The following STAG1 variants were observed in gnomAD, a reference collection of about 807,000 sequenced individuals.
The protein encoded by STAG1 is cohesin subunit SA-1.
STAG1 carries 26 observed loss-of-function variants against 170.9 expected under a neutral mutation model. That is an observed-to-expected ratio of 0.15 (90% confidence interval 0.11 to 0.21). The LOEUF is 0.21. Among genes scored for constraint, STAG1 ranks in the 10% least tolerant of loss-of-function variants. STAG1 has a pLI of 1.00. For missense variants in STAG1, 964 were observed against 1,509.5 expected (o/e 0.64, Z 5.99); for synonymous variants, 514 against 497.7 (o/e 1.03, Z -0.44).
intron 9 of STAG1, among the ~76,000 whole-genome samples, chr3:136,486,701 A>G (rs2090019934): frequency 1.3e-5 from 2 of 152,150 alleles, no homozygotes; most frequent in Non-Finnish European, 2.9e-5. Flanking sequence ...CTGCACATAT[A>G]CACAGTGAAA....
intron 21 of STAG1, among the ~76,000 whole-genome samples, chr3:136,406,517 CTG>C (rs1218819825): frequency 6.6e-6 from 1 of 152,024 alleles, no homozygotes; most frequent in Non-Finnish European, 1.5e-5. Context: ...ATTCATAAGA[CTG>C]TACATAAATA....
At chr3:136,618,429 T>C (rs1239267618) in intron 3 of STAG1, among the ~76,000 whole-genome samples, 1 of 152,248 alleles carries the variant, frequency 6.6e-6, no homozygotes, top group Non-Finnish European at 1.5e-5. Flanking sequence ...CTTGCCTTGC[T>C]GAGAATTAAA....
intron 12 of STAG1, among the ~76,000 whole-genome samples, chr3:136,466,226 GCCCATCGCAAA>G (rs1362747701): frequency 6.6e-6 from 1 of 152,100 alleles, no homozygotes; most frequent in African/African-American, 2.4e-5. Flanking sequence ...GGAAGTTGGA[GCCCATCGCAAA>G]GAAGCTAAAA....
At chr3:136,440,568 G>A (rs1010539022) in intron 15 of STAG1, among the ~76,000 whole-genome samples, 10 of 151,904 alleles carry the variant, frequency 6.6e-5, no homozygotes, top group African/African-American at 2.4e-4. Context: ...CTACAAACAA[G>A]GTAAGGAAAA....
chr3:136,531,637 A>G (rs1276051792), intron 6 of STAG1, among the ~76,000 whole-genome samples: 4 of 151,694 alleles, frequency 2.6e-5, no homozygotes, highest in African/African-American at 9.7e-5. Flanking sequence ...GGAAATCATC[A>G]TTCTCAGTAA....
At chr3:136,490,187 C>G (rs2090096872) in intron 9 of STAG1, among the ~76,000 whole-genome samples, 1 of 152,080 alleles carries the variant, frequency 6.6e-6, no homozygotes, top group Non-Finnish European at 1.5e-5. Flanking sequence ...ATTACAGGCA[C>G]AGACCATCAC....
chr3:136,642,890 T>C (rs1940856491), intron 1 of STAG1, among the ~76,000 whole-genome samples: 1 of 152,306 alleles, frequency 6.6e-6, no homozygotes, highest in Non-Finnish European at 1.5e-5. Flanking sequence ...CCTTGGCTTG[T>C]TGGAGCATTA....
In STAG1 at chr3:136,370,849, G is replaced by A. The variant is rs551329377; in HGVS notation, c.2371-1567C>T. Among the ~76,000 whole-genome samples the A allele has an allele frequency of 7.0e-4, 106 of 152,342 alleles. 1 individual carries two copies. In the East Asian group the frequency reaches 0.017, roughly 24 times the overall value. ...TGTGCGTGTGTCTTTATAGCAGCAT[G>A]ATTTATAATCCTTTGGGTATATACC... On this transcript the variant is annotated intron_variant, in intron 23 of 33. Transcript: ENST00000383202.
intron 1 of STAG1, among the ~76,000 whole-genome samples, chr3:136,747,159 G>A (rs1469715087): frequency 7.1e-6 from 1 of 141,498 alleles, no homozygotes; most frequent in Non-Finnish European, 1.5e-5. Flanking sequence ...TGCATTCCCA[G>A]CTACTCAGGA....
chr3:136,376,213 A>C (rs796937343), intron 23 of STAG1, among the ~76,000 whole-genome samples: 13 of 149,994 alleles, frequency 8.7e-5, no homozygotes, highest in African/African-American at 3.2e-4. Context: ...GCAAAGGATA[A>C]GTAATACTGT....
Position 136,469,790 on chromosome 3 carries a change from T to C in STAG1, c.1205+2623A>G, listed in dbSNP as rs1559823006. 2.0e-5 allele frequency among the ~76,000 whole-genome samples: 3 copies of C among 152,056 alleles called. No individual in the cohort carries two copies. The East Asian group carries it at 5.8e-4, about 29-fold the overall frequency. On this transcript the variant is annotated intron_variant, in intron 12 of 33. Coordinates refer to ENST00000383202, the MANE Select transcript of STAG1 (RefSeq NM_005862.3). ...TGGTACTGGTACCAAAACAGAGATA[T>C]AGACCAATGGAACAGAACAGAGCCC...
intron 1 of STAG1, among the ~76,000 whole-genome samples, chr3:136,702,104 AGAGAGAGAG>A (rs1559960195): frequency 9.7e-6 from 1 of 102,900 alleles, no homozygotes; most frequent in African/African-American, 5.5e-5. Flanking sequence ...AGAGAGAGAG[AGAGAGAGAG>A]AGAGAGAGAC....
intron 16 of STAG1, among the ~76,000 whole-genome samples, chr3:136,429,439 A>G (rs1242684682): frequency 6.6e-6 from 1 of 152,200 alleles, no homozygotes; most frequent in East Asian, 1.9e-4. Context: ...AGAGGAACTA[A>G]TAGAGGATGA....
chr3:136,523,339 A>G (rs1364733278), intron 6 of STAG1, among the ~76,000 whole-genome samples: 2 of 152,072 alleles, frequency 1.3e-5, no homozygotes, highest in African/African-American at 4.8e-5. Flanking sequence ...GCATTTTTTC[A>G]CGTGTCTGTT....
chr3:136,478,550 A>G (rs1423993354), intron 9 of STAG1, among the ~76,000 whole-genome samples: 1 of 152,212 alleles, frequency 6.6e-6, no homozygotes, highest in African/African-American at 2.4e-5. Flanking sequence ...AATTTTAAGT[A>G]ATTTTTAATT....
chr3:136,641,069 T>G (rs921129762), intron 1 of STAG1, among the ~76,000 whole-genome samples: 3 of 152,238 alleles, frequency 2.0e-5, no homozygotes, highest in African/African-American at 7.2e-5. Flanking sequence ...CATATAAATA[T>G]GAAACTGTAA....
chr3:136,570,596 A>G (rs1354218983), intron 4 of STAG1, among the ~76,000 whole-genome samples: 1 of 152,248 alleles, frequency 6.6e-6, no homozygotes, highest in Admixed American at 6.5e-5. Context: ...GGCTTAGTAG[A>G]TAATGCCAAA....
intron 14 of STAG1, among the ~76,000 whole-genome samples, chr3:136,444,592 T>C (rs1041149047): frequency 3.9e-5 from 6 of 152,212 alleles, no homozygotes; most frequent in African/African-American, 7.2e-5. Flanking sequence ...ATTCAATGCA[T>C]TGAGAACTAA....
At chr3:136,391,472 G>C (rs2087010122) in intron 22 of STAG1, among the ~76,000 whole-genome samples, 1 of 151,380 alleles carries the variant, frequency 6.6e-6, no homozygotes, top group South Asian at 2.1e-4. Context: ...CGCCTCCTGG[G>C]TTAAAGCGAT....
Sources: gnomAD v4.1 joint callset for allele counts (sites outside exome capture counted in the v4.1 genomes callset) on GRCh38, gnomAD v4.1.1 for gene constraint, MANE v1.5 for transcripts, NCBI Gene and HGNC (gene_info 2026-07-23, HGNC 2026-07-21) for gene names.